Variants in AHNAK2 observed in about 807,000 individuals in gnomAD.
The protein encoded by AHNAK2 is AHNAK nucleoprotein 2.
A neutral mutation model predicts 30.7 loss-of-function variants in AHNAK2; 18 were observed. The observed-to-expected ratio is 0.59, with a 90% confidence interval of 0.41 to 0.87. The LOEUF (loss-of-function observed/expected upper bound fraction) is 0.87. AHNAK2 is among the 40% of genes least tolerant of loss of function. The pLI is 0.00. For synonymous variants in AHNAK2, 3,590 were observed against 3,073.8 expected, an observed-to-expected ratio of 1.17 and a Z score of -5.56; for missense variants, 8,604 against 7,373.0, an observed-to-expected ratio of 1.17 and a Z score of -6.11.
rs536064909 is a variant in AHNAK2, at chr14:104,948,689, G to C, written c.6762C>G (p.Pro2254=). Residue 2254 remains proline, a synonymous_variant, in exon 7 of 7, where the codon CCC becomes CCG. Transcript: ENST00000333244. ...FKVPKVDLKG[P]EIDIKGPKLD... ...GCTTGGGGCCCTTGATGTCTATTTC[G>C]GGGCCCTTGAGGTCCACTTTGGGCA... The C allele has an allele frequency of 2.5e-6, 4 of 1,609,302 alleles. No individual in the cohort carries two copies. Among genetic ancestry groups the C allele is most frequent in the African/African-American group, 1.4e-5 (1 of 73,378 alleles).
In AHNAK2 at chr14:104,939,113, C is replaced by T. The variant is rs1897901956; in HGVS notation, c.16338G>A (p.Glu5446=). The change falls in exon 7 of 7, where the codon GAG becomes GAA. Residue 5446 remains glutamate, a synonymous_variant. Coordinates refer to ENST00000333244, the MANE Select transcript of AHNAK2 (RefSeq NM_138420.4). The part of the protein sequence containing the change: ...ILKAGAGVPG[E]QPVDLNLPLE... ...AAGGCAGGTTAAGGTCCACAGGCTG[C>T]TCCCCAGGGACCCCAGCACCTGCCT... The T allele has an allele frequency of 6.2e-7, 1 of 1,606,436 alleles. No homozygotes were observed. The highest frequency in any genetic ancestry group is 1.7e-5 in the Admixed American group (1 of 58,646).
Position 104,948,792 on chromosome 14 carries a change from T to C in AHNAK2, c.6659A>G (p.Lys2220Arg), listed in dbSNP as rs1898470492. Residue 2220 changes from lysine (K) to arginine (R), a missense_variant, in exon 7 of 7, where the codon AAA (lysine) becomes AGA (arginine). Coordinates refer to ENST00000333244, the MANE Select transcript of AHNAK2 (RefSeq NM_138420.4). ...VKVQAGQVDVKLLEGPVPEEV... is the reference protein window; with the variant it reads ...VKVQAGQVDVRLLEGPVPEEV... ...CTCGGGCACAGGGCCCTCCAGGAGT[T>C]TCACGTCCACCTGGCCAGCCTGGAC... 1 of 1,612,228 alleles carries C rather than the reference T, an allele frequency of 6.2e-7. No individual in the cohort carries two copies. The highest frequency in any genetic ancestry group is 8.5e-7 in the Non-Finnish European group (1 of 1,179,606).
chr14:104,965,251 A>G (rs1461345824), intron 1 of AHNAK2, among the ~76,000 whole-genome samples: 1 of 152,122 alleles, frequency 6.6e-6, no homozygotes, highest in East Asian at 1.9e-4. Context: ...AAATACAAAA[A>G]TTAGCTGGGC....
Position 104,941,062 on chromosome 14 carries a change from C to T in AHNAK2, c.14389G>A (p.Val4797Met), listed in dbSNP as rs749612784. 1.2e-6 allele frequency: 2 copies of T among 1,613,640 alleles called. No homozygotes were observed. The highest frequency in any genetic ancestry group is 2.7e-5 in the African/African-American group (2 of 75,002). Residue 4797 changes from valine to methionine, a missense_variant, in exon 7 of 7, where the codon GTG (valine) becomes ATG (methionine). By Grantham distance (21) the Val-to-Met change is conservative. Transcript: ENST00000333244. ...GCCAAGGCAGCTCTGGGAACAGTCA[C>T]CTGGTATTTTGTAAGTGTAACATCC... is the stretch of plus-strand genomic sequence containing the variant. ...CEDVTLTKYQ[V>M]TVPRAALAPE... is the part of the protein sequence containing the mutation.
Position 104,950,338 on chromosome 14 carries a change from C to T in AHNAK2, c.5113G>A (p.Asp1705Asn), listed in dbSNP as rs61428154. ...PSMQGDLKTT[D>N]LSIQSPSADL... is the part of the protein sequence containing the mutation. ...GCGGAAGGGGACTGAATGCTGAGGTCAGTGGTCTTCAGGTCCCCCTGCATG... is the reference window on the plus strand; with the variant it reads ...GCGGAAGGGGACTGAATGCTGAGGTTAGTGGTCTTCAGGTCCCCCTGCATG... The change falls in exon 7 of 7, where the codon GAC becomes AAC. Residue 1705 changes from aspartate to asparagine, a missense_variant. Physicochemically the swap from Asp to Asn is conservative, Grantham distance 23. Coordinates refer to ENST00000333244, the MANE Select transcript of AHNAK2 (RefSeq NM_138420.4). 3.2e-6 allele frequency: 5 copies of T among 1,585,160 alleles called. No individual in the cohort carries two copies. The highest frequency in any genetic ancestry group is 3.4e-6 in the Non-Finnish European group (4 of 1,162,478).
In AHNAK2 at chr14:104,978,335, C is replaced by G; in HGVS notation, c.-98G>C. The G allele has an allele frequency of 2.4e-6, 2 of 844,978 alleles. No homozygotes were observed. Among genetic ancestry groups the G allele is most frequent in the African/African-American group, 3.7e-5 (2 of 54,572 alleles). The allele number at this position is 844,978 out of a possible 1,614,324, so 52.3% of individuals were successfully genotyped here. ...CGGGCGGGCGGGAGCCGCGCTCTGC[C>G]CCGCTGCCCTGCGCTGCCGCGGGCG... On this transcript the variant is annotated 5_prime_UTR_variant, in exon 1 of 7. Coordinates refer to ENST00000333244, the MANE Select transcript of AHNAK2 (RefSeq NM_138420.4).
rs146136367 is a variant in AHNAK2, at chr14:104,943,467, G to A, written c.11984C>T (p.Ala3995Val). The change falls in exon 7 of 7, where the codon GCG (alanine) becomes GTG (valine). Residue 3995 changes from alanine to valine, a missense_variant. By Grantham distance (64) the Ala-to-Val change is moderately conservative (BLOSUM62 0). Coordinates refer to ENST00000333244, the MANE Select transcript of AHNAK2 (RefSeq NM_138420.4). Reference sequence around the variant, plus strand: ...GCTCACGTCGGCCTCCACCTTTGGCGCGGTCACATCCACTGATGCCTCCAT... The same window carrying A: ...GCTCACGTCGGCCTCCACCTTTGGCACGGTCACATCCACTGATGCCTCCAT... ...KSMEASVDVT[A>V]PKVEADVSLP... The A allele has an allele frequency of 2.2e-5, 35 of 1,612,876 alleles. No homozygotes were observed. Among genetic ancestry groups the A allele is most frequent in the Admixed American group, 6.7e-5 (4 of 59,926 alleles).
Position 104,954,795 on chromosome 14 carries a change from G to A in AHNAK2, c.656C>T (p.Thr219Met), listed in dbSNP as rs372753892. The change falls in exon 7 of 7, where the codon ACG (threonine) becomes ATG (methionine). Residue 219 changes from threonine (T) to methionine (M), a missense_variant. Physicochemically the swap from Thr to Met is moderately conservative, Grantham distance 81. Transcript: ENST00000333244. This position sits in a 1 kb window ranked among gnomAD's most constrained non-coding sequence, Gnocchi z 4.3. ...CTCTCTGCACCCATCAGCAACATCC[G>A]TGTCCTGAAACATAGGGAGAGGGAA... ...HGPQGKEKED[T>M]DVADGCRETP... is the part of the protein sequence containing the mutation. The A allele has an allele frequency of 8.6e-5, 135 of 1,560,800 alleles. No individual in the cohort carries two copies. The highest frequency in any genetic ancestry group is 7.8e-4 in the African/African-American group (57 of 72,978).
chr14:104,938,462 A>G lies in AHNAK2; in HGVS notation c.16989T>C (p.Val5663=). The G allele has an allele frequency of 6.2e-7, 1 of 1,613,856 alleles. No homozygotes were observed. Among genetic ancestry groups the G allele is most frequent in the Non-Finnish European group, 8.5e-7 (1 of 1,179,852 alleles). The change falls in exon 7 of 7, where the codon GTT becomes GTC. Residue 5663 remains valine, a synonymous_variant. Transcript: ENST00000333244. ...ATCTCTGGACGTCATTTTTGGAATC[A>G]ACACCTGTCTCATCAACAGAAGAGG... ...GFSSSVDETG[V]DSKNDVQRSA... is the part of the protein sequence containing the mutation.
Position 104,954,911 on chromosome 14 carries a change from TAGTGAAGC to T in AHNAK2, c.651+38_651+45del, listed in dbSNP as rs1490700409. On this transcript the variant is annotated intron_variant, in intron 6 of 6. Transcript: ENST00000333244. The surrounding 1 kb of genome is among the most constrained non-coding windows in gnomAD (Gnocchi z 4.3). ...CCCCTCCCAGGCTCAGCCAGCAGGGTAGTGAAGCCAGCTGGGGCCCTGCCCCCCGGGCA... is the reference window on the plus strand; with the variant it reads ...CCCCTCCCAGGCTCAGCCAGCAGGGTCAGCTGGGGCCCTGCCCCCCGGGCA... 3 of 507,224 alleles carry T rather than the reference TAGTGAAGC, an allele frequency of 5.9e-6. No individual in the cohort carries two copies. The highest frequency in any genetic ancestry group is 2.8e-5 in the African/African-American group (1 of 35,916). 31.4% of individuals were successfully genotyped at this position (507,224 alleles called of 1,614,324 possible).
rs202120144 is a variant in AHNAK2 at position 104,949,519 on chromosome 14, C to A, written c.5932G>T (p.Asp1978Tyr). 161 of 1,586,326 alleles carry A rather than the reference C, an allele frequency of 1.0e-4. 19 individuals carry two copies. Among genetic ancestry groups the A allele is most frequent in the Non-Finnish European group, 1.3e-4 (151 of 1,162,370 alleles). Residue 1978 changes from aspartate to tyrosine, a missense_variant, in exon 7 of 7, where the codon GAC becomes TAC. Transcript: ENST00000333244. ...ARLEGDLSLADKDMTAKDSKF... is the reference protein window; with the variant it reads ...ARLEGDLSLAYKDMTAKDSKF... Reference sequence around the variant, plus strand: ...CTGTCTTTGGCAGTCATGTCCTTGTCGGCCAGGGACAGGTCTCCCTCCAGC... The same window carrying A: ...CTGTCTTTGGCAGTCATGTCCTTGTAGGCCAGGGACAGGTCTCCCTCCAGC...
At chr14:104,956,764 C>A in intron 3 of AHNAK2, 75 bp from the exon 4 acceptor site, 2 of 1,431,456 alleles carry the variant, frequency 1.4e-6, no homozygotes, top group East Asian at 2.3e-5. Flanking sequence ...AGGCTGGTGC[C>A]AGACCAGGAG....
At chr14:104,955,286 T>C in intron 5 of AHNAK2, 145 bp from the exon 6 acceptor site, 1 of 1,277,386 alleles carries the variant, frequency 7.8e-7, no homozygotes, top group Non-Finnish European at 1.1e-6. Context: ...ACTGAGTGCC[T>C]CAGGCACAGG....
rs371140675 is a variant in AHNAK2, at chr14:104,953,968, C to G, written c.1483G>C (p.Ala495Pro). 3 of 1,613,770 alleles carry G rather than the reference C, an allele frequency of 1.9e-6. No homozygotes were observed. The highest frequency in any genetic ancestry group is 2.7e-5 in the African/African-American group (2 of 74,916). ...RVHDLKTPKF[A>P]FSTEKEPERE... Reference sequence around the variant, plus strand: ...TCTGGCTCTTTTTCTGTGGAAAATGCAAATTTTGGTGTCTTTAAATCGTGT... The same window carrying G: ...TCTGGCTCTTTTTCTGTGGAAAATGGAAATTTTGGTGTCTTTAAATCGTGT... Residue 495 changes from alanine (A) to proline (P), a missense_variant, in exon 7 of 7, where the codon GCA (alanine) becomes CCA (proline). Transcript: ENST00000333244.
rs1027307218 is a variant in AHNAK2 at position 104,953,712 on chromosome 14, A to G, written c.1739T>C (p.Ile580Thr). Residue 580 changes from isoleucine (I) to threonine (T), a missense_variant, in exon 7 of 7, where the codon ATA becomes ACA. Transcript: ENST00000333244. ...DKGREDTEGQ[I>T]RMPKFKIPSL... ...GGGTATCTTGAACTTGGGCATTCTT[A>G]TCTGTCCTTCTGTGTCTTCCCTGCC... 2 of 1,613,614 alleles carry G rather than the reference A, an allele frequency of 1.2e-6. No individual in the cohort carries two copies. The highest frequency in any genetic ancestry group is 1.1e-5 in the South Asian group (1 of 91,058).
chr14:104,951,605 C>T lies in AHNAK2; in HGVS notation c.3846G>A (p.Val1282=), dbSNP rs753729135. ...KLDLKGHKAE[V]TAHEVAVSLP... is the part of the protein sequence containing the mutation. The stretch of plus-strand genomic sequence containing the variant: ...GAGACACAGCCACTTCGTGGGCCGT[C>T]ACCTCTGCCTTATGACCTTTCAGGT... The change falls in exon 7 of 7, where the codon GTG becomes GTA. Residue 1282 remains valine (V), a synonymous_variant. Transcript: ENST00000333244. 8.0e-7 allele frequency: 1 copy of T among 1,246,378 alleles called. No individual in the cohort carries two copies. The highest frequency in any genetic ancestry group is 1.4e-5 in the African/African-American group (1 of 70,584). 77.2% of individuals were successfully genotyped at this position (1,246,378 alleles called of 1,614,324 possible).
In AHNAK2 at chr14:104,950,108, G is replaced by C. The variant is rs759891541; in HGVS notation, c.5343C>G (p.Asp1781Glu). Reference protein sequence around the residue: ...KGPKAEVMAPDVEVSLPSVEV... With the variant: ...KGPKAEVMAPEVEVSLPSVEV... ...CCACGCTGGGCAGAGACACCTCCAC[G>C]TCGGGGGCCATCACCTCCGCCTTGG... The change falls in exon 7 of 7, where the codon GAC (aspartate) becomes GAG (glutamate). Residue 1781 changes from aspartate (D) to glutamate (E), a missense_variant. Transcript: ENST00000333244. The C allele has an allele frequency of 1.9e-6, 3 of 1,583,058 alleles. No homozygotes were observed. In the East Asian group the frequency reaches 6.8e-5, roughly 36 times the overall value.
chr14:104,970,266 G>T (rs1428809884), intron 1 of AHNAK2, among the ~76,000 whole-genome samples: 4 of 152,126 alleles, frequency 2.6e-5, no homozygotes, highest in African/African-American at 7.2e-5. Context: ...TGACATCCCT[G>T]CCCAGCCCGC....
At position 104,939,960 on chromosome 14, in the gene AHNAK2, C is replaced by G. The variant is rs1398286517; in HGVS notation, c.15491G>C (p.Arg5164Thr). Residue 5164 changes from arginine (R) to threonine (T), a missense_variant, in exon 7 of 7, where the codon AGA (arginine) becomes ACA (threonine). Arg to Thr is a moderately conservative substitution (Grantham distance 71, BLOSUM62 -1). Transcript: ENST00000333244. ...TGTGAGGACTTCAGCATCTGGTTTT[C>G]TACAGGATGGCTGGAGGGGATCTTC... ...TPEDPLQPSC[R>T]KPDAEVLTVE... The G allele has an allele frequency of 6.2e-7, 1 of 1,612,070 alleles. No homozygotes were observed. The highest frequency in any genetic ancestry group is 2.2e-5 in the East Asian group (1 of 44,880).
Sources: gnomAD v4.1 joint callset for allele counts (sites outside exome capture counted in the v4.1 genomes callset) on GRCh38, gnomAD v4.1.1 for gene constraint, Gnocchi (gnomAD v3.1) non-coding constraint, MANE v1.5 for transcripts, NCBI Gene and HGNC (gene_info 2026-07-23, HGNC 2026-07-21) for gene names.